The following RBMS3 variants were observed in gnomAD, a reference collection of about 807,000 sequenced individuals.
The protein encoded by RBMS3 is RNA-binding motif, single-stranded-interacting protein 3.
RBMS3 carries 27 observed loss-of-function variants against 66.8 expected under a neutral mutation model. That is an observed-to-expected ratio of 0.40 (90% CI 0.30 to 0.56). The LOEUF is 0.56. Among genes scored for constraint, RBMS3 ranks in the 20% least tolerant of loss-of-function variants. RBMS3 has a pLI of 0.40. For missense variants in RBMS3, 513 were observed against 549.5 expected (o/e 0.93, Z 0.66); for synonymous variants, 188 against 183.0 (o/e 1.03, Z -0.22).
chr3:29,462,667 A>G (rs954944117), intron 2 of RBMS3, among the ~76,000 whole-genome samples: 2 of 152,224 alleles, frequency 1.3e-5, no homozygotes, highest in Non-Finnish European at 2.9e-5. Context: ...TAATTTAACA[A>G]TAACAATAAA....
intron 5 of RBMS3, among the ~76,000 whole-genome samples, chr3:29,760,268 CAT>C (rs370417409): frequency 0.03 from 4,206 of 137,986 alleles, 83 homozygotes; most frequent in East Asian, 0.096. Flanking sequence ...CACACACACA[CAT>C]ACACACACAC....
intron 12 of RBMS3, among the ~76,000 whole-genome samples, chr3:29,971,575 A>AT (rs1210556952): frequency 2.0e-5 from 3 of 152,112 alleles, no homozygotes; most frequent in African/African-American, 4.8e-5. Flanking sequence ...TTCTCCTTTA[A>AT]TTTTTTATGT....
intron 3 of RBMS3, among the ~76,000 whole-genome samples, chr3:29,504,051 A>T (rs927216811): frequency 6.6e-6 from 1 of 152,122 alleles, no homozygotes; most frequent in Non-Finnish European, 1.5e-5. Context: ...AGCCCACATT[A>T]GCTAACTGCA....
chr3:29,600,840 T>A (rs1362985111), intron 4 of RBMS3, among the ~76,000 whole-genome samples: 1 of 152,104 alleles, frequency 6.6e-6, no homozygotes, highest in Non-Finnish European at 1.5e-5. Context: ...GGGGTCATTT[T>A]TTTCTTCAAT....
intron 1 of RBMS3, among the ~76,000 whole-genome samples, chr3:29,423,462 A>C (rs570650167): frequency 6.2e-4 from 94 of 152,316 alleles, no homozygotes; most frequent in African/African-American, 2.1e-3. Flanking sequence ...CTACTTCTTG[A>C]GTGTGGGAGG....
At chr3:29,310,034 G>A (rs1405963959) in intron 1 of RBMS3, among the ~76,000 whole-genome samples, 3 of 151,694 alleles carry the variant, frequency 2.0e-5, no homozygotes. Context: ...GGAGGTGGCA[G>A]TGAAGAATAG....
chr3:29,393,314 T>C (rs2039395245), intron 1 of RBMS3, among the ~76,000 whole-genome samples: 1 of 152,156 alleles, frequency 6.6e-6, no homozygotes, highest in South Asian at 2.1e-4. Flanking sequence ...AAATACAGCA[T>C]AATGTATTAA....
At chr3:29,887,088 G>T (rs1291463538) in intron 8 of RBMS3, among the ~76,000 whole-genome samples, 2 of 151,766 alleles carry the variant, frequency 1.3e-5, no homozygotes, top group African/African-American at 4.8e-5. Flanking sequence ...GAACTGCAGG[G>T]TGTTATGAAT....
intron 3 of RBMS3, among the ~76,000 whole-genome samples, chr3:29,582,966 G>A (rs1175568138): frequency 6.6e-6 from 1 of 152,002 alleles, no homozygotes; most frequent in African/African-American, 2.4e-5. Flanking sequence ...ACATAATTTG[G>A]TGAGATATTT....
At position 29,905,858 on chromosome 3, in the gene RBMS3, G is replaced by A. The variant is rs536327341; in HGVS notation, c.939+6103G>A. Among the ~76,000 whole-genome samples, 435 of 152,258 alleles carry A rather than the reference G, an allele frequency of 2.9e-3. 2 individuals carry two copies. The highest frequency in any genetic ancestry group is 0.01 in the African/African-American group (425 of 41,548). Reference sequence around the variant, plus strand: ...GCTGCATGCAGCCAGTGGGCCACATGTTGGGGAAACTTGCCTTATAAACTG... The same window carrying A: ...GCTGCATGCAGCCAGTGGGCCACATATTGGGGAAACTTGCCTTATAAACTG... On this transcript the variant is annotated intron_variant, in intron 10 of 14. Coordinates refer to ENST00000383767, the MANE Select transcript of RBMS3 (RefSeq NM_001003793.3).
intron 4 of RBMS3, among the ~76,000 whole-genome samples, chr3:29,597,731 G>A (rs1023423472): frequency 6.6e-6 from 1 of 151,778 alleles, no homozygotes; most frequent in African/African-American, 2.4e-5. Flanking sequence ...TTTCCCTATT[G>A]AAATGGATTT....
intron 12 of RBMS3, among the ~76,000 whole-genome samples, chr3:29,982,910 A>C (rs1329958845): frequency 1.3e-5 from 2 of 152,184 alleles, no homozygotes; most frequent in Non-Finnish European, 2.9e-5. Context: ...AGTTCTGTAG[A>C]TGTCTATTAG....
chr3:29,939,002 C>T (rs2061332387), intron 11 of RBMS3, among the ~76,000 whole-genome samples: 1 of 151,988 alleles, frequency 6.6e-6, no homozygotes, highest in Non-Finnish European at 1.5e-5. Flanking sequence ...CCTTCACCTC[C>T]AGTGGCTTCT....
At chr3:29,422,581 T>C (rs1218004423) in intron 1 of RBMS3, among the ~76,000 whole-genome samples, 1 of 151,950 alleles carries the variant, frequency 6.6e-6, no homozygotes, top group African/African-American at 2.4e-5. Context: ...GTGTAAATAT[T>C]TTATAAGTTT....
At chr3:29,967,495 C>A (rs896063021) in intron 12 of RBMS3, among the ~76,000 whole-genome samples, 7 of 152,060 alleles carry the variant, frequency 4.6e-5, no homozygotes, top group African/African-American at 1.7e-4. Flanking sequence ...CGGGATTTCA[C>A]CATGTTAGCC....
rs761752026 is a variant in RBMS3, at chr3:29,469,608, A to C, written c.249-18833A>C. Among the ~76,000 whole-genome samples, 17 of 151,892 alleles carry C rather than the reference A, an allele frequency of 1.1e-4. No individual in the cohort carries two copies. In the East Asian group the frequency reaches 1.3e-3, roughly 12 times the overall value. ...TGTTAAGTAAAAAAAAAGTTGTAGT[A>C]AAATATGTAAGCTATGGCTCATTTA... On this transcript the variant is annotated intron_variant, in intron 2 of 14. Transcript: ENST00000383767.
rs576405522 is a variant in RBMS3, at chr3:29,582,738, T to G, written c.308-4376T>G. ...TTAAGGAAAACAAATTGAAAGCAAA[T>G]TAAAGTGGCTTTATTCCTTGCTAAA... On this transcript the variant is annotated intron_variant, in intron 3 of 14. Coordinates refer to ENST00000383767, the MANE Select transcript of RBMS3 (RefSeq NM_001003793.3). 2.0e-5 allele frequency among the ~76,000 whole-genome samples: 3 copies of G among 152,328 alleles called. No individual in the cohort carries two copies. In the East Asian group the frequency reaches 5.8e-4, roughly 29 times the overall value.
At chr3:29,872,079 G>C (rs948008175) in intron 7 of RBMS3, among the ~76,000 whole-genome samples, 1 of 152,082 alleles carries the variant, frequency 6.6e-6, no homozygotes, top group Non-Finnish European at 1.5e-5. Context: ...TGAATAAAAT[G>C]ATCGAGGGAT....
chr3:29,627,950 A>G (rs1331195349), intron 4 of RBMS3, among the ~76,000 whole-genome samples: 8 of 152,114 alleles, frequency 5.3e-5, no homozygotes, highest in Admixed American at 5.2e-4. Context: ...AGAAACCACC[A>G]TGTACTCCCA....
Sources: gnomAD v4.1 joint callset for allele counts (sites outside exome capture counted in the v4.1 genomes callset) on GRCh38, gnomAD v4.1.1 for gene constraint, MANE v1.5 for transcripts, NCBI Gene and HGNC (gene_info 2026-07-23, HGNC 2026-07-21) for gene names.